Variants in RORA observed in about 807,000 individuals in gnomAD.
RORA encodes RAR related orphan receptor A, also known as nuclear receptor ROR-alpha.
Under a neutral mutation model 69.5 loss-of-function variants are expected in RORA, and 7 were observed. The ratio of observed to expected loss-of-function variants is 0.10; its 90% CI spans 0.06 to 0.19. The LOEUF is 0.19. Among genes scored for constraint, RORA ranks in the 10% least tolerant of loss-of-function variants. The pLI, the probability that RORA is intolerant of heterozygous loss-of-function variation, is 1.00. For synonymous variants in RORA, 261 were observed against 240.8 expected (o/e 1.08, Z -0.78); for missense variants, 457 against 663.0 (o/e 0.69, Z 3.41).
In RORA at chr15:60,692,039, A is replaced by C. The variant is rs111884107; in HGVS notation, c.167-13353T>G. On this transcript the variant is annotated intron_variant, in intron 1 of 10. Transcript: ENST00000335670. The stretch of plus-strand genomic sequence containing the variant: ...TCTGAGATTGAGAAAACTATTTTGG[A>C]AACAGTGATTTCAATATGCATAGTT... Among the ~76,000 whole-genome samples, 1,111 of 152,322 alleles carry C rather than the reference A, an allele frequency of 7.3e-3. 16 individuals are homozygous for C. The highest frequency in any genetic ancestry group is 0.025 in the African/African-American group (1,047 of 41,578).
chr15:60,552,363 T>G (rs1338672151), intron 2 of RORA, among the ~76,000 whole-genome samples: 1 of 152,142 alleles, frequency 6.6e-6, no homozygotes, highest in Non-Finnish European at 1.5e-5. Context: ...TCCCTCGCCC[T>G]CTCCCCGCAA....
chr15:61,030,929 ATG>A (rs760235310), intron 1 of RORA, among the ~76,000 whole-genome samples: 10 of 152,198 alleles, frequency 6.6e-5, no homozygotes, highest in Non-Finnish European at 1.5e-4. Flanking sequence ...GTATATGTAT[ATG>A]TGTGTATAAA....
At chr15:60,717,898 C>T (rs2071241293) in intron 1 of RORA, among the ~76,000 whole-genome samples, 1 of 139,962 alleles carries the variant, frequency 7.1e-6, no homozygotes, top group African/African-American at 2.7e-5. Context: ...CCTCAGGGTT[C>T]AAGCGATTGT....
At chr15:60,778,048 A>T (rs1282265349) in intron 1 of RORA, among the ~76,000 whole-genome samples, 1 of 152,168 alleles carries the variant, frequency 6.6e-6, no homozygotes, top group African/African-American at 2.4e-5. Context: ...TTAAAACTCA[A>T]GCTATAGCCT....
At chr15:60,802,865 T>G (rs978957593) in intron 1 of RORA, among the ~76,000 whole-genome samples, 3 of 152,102 alleles carry the variant, frequency 2.0e-5, no homozygotes, top group Non-Finnish European at 4.4e-5. Context: ...TTCCTGGAGG[T>G]TTCATTCTGG....
chr15:61,086,771 T>C (rs2078631639), intron 1 of RORA, among the ~76,000 whole-genome samples: 1 of 152,168 alleles, frequency 6.6e-6, no homozygotes, highest in Admixed American at 6.5e-5. Flanking sequence ...TATGGCCCAC[T>C]GCCTATTTTT....
intron 1 of RORA, among the ~76,000 whole-genome samples, chr15:61,219,302 T>C (rs2080071634): frequency 6.6e-6 from 1 of 152,202 alleles, no homozygotes; most frequent in Admixed American, 6.5e-5. Flanking sequence ...AGGCTGGGTG[T>C]GGTGGCTCAT....
intron 1 of RORA, among the ~76,000 whole-genome samples, chr15:60,951,308 A>C (rs1266413754): frequency 1.5e-5 from 2 of 130,714 alleles, no homozygotes; most frequent in African/African-American, 5.9e-5. Context: ...AGGGAAATTT[A>C]TAGCACTAAA....
chr15:60,895,155 G>A (rs931913964), intron 1 of RORA, among the ~76,000 whole-genome samples: 2 of 152,192 alleles, frequency 1.3e-5, no homozygotes, highest in Admixed American at 1.3e-4. Flanking sequence ...AGAATCTGCT[G>A]AGAAGGCCAC....
At chr15:60,778,690 C>A (rs2072209446) in intron 1 of RORA, among the ~76,000 whole-genome samples, 1 of 152,086 alleles carries the variant, frequency 6.6e-6, no homozygotes, top group Admixed American at 6.5e-5. Flanking sequence ...ATTCTCCCAC[C>A]CTTACCCCTT....
intron 1 of RORA, among the ~76,000 whole-genome samples, chr15:60,844,393 C>G (rs994598231): frequency 7.2e-5 from 11 of 152,134 alleles, no homozygotes; most frequent in African/African-American, 2.7e-4. Context: ...ATGGAAAAGC[C>G]AATGAAGGAG....
chr15:60,913,382 T>C (rs1357158477), intron 1 of RORA, among the ~76,000 whole-genome samples: 1 of 152,206 alleles, frequency 6.6e-6, no homozygotes, highest in African/African-American at 2.4e-5. Flanking sequence ...CCCAGCCTCC[T>C]ACAGCCACCT....
intron 1 of RORA, among the ~76,000 whole-genome samples, chr15:61,220,078 G>A (rs1596081502): frequency 6.6e-6 from 1 of 152,212 alleles, no homozygotes; most frequent in South Asian, 2.1e-4. Flanking sequence ...CTGCACACAT[G>A]TGCTCATCCA....
intron 1 of RORA, among the ~76,000 whole-genome samples, chr15:61,208,882 T>C (rs2079965322): frequency 6.6e-6 from 1 of 152,240 alleles, no homozygotes; most frequent in South Asian, 2.1e-4. Flanking sequence ...CACAAACAGA[T>C]GTGCCTGATT....
intron 1 of RORA, among the ~76,000 whole-genome samples, chr15:60,761,707 C>T (rs1201725302): frequency 6.6e-6 from 1 of 152,146 alleles, no homozygotes; most frequent in Admixed American, 6.5e-5. Context: ...TCCTGTCCTT[C>T]TCCCCTAACC....
intron 2 of RORA, among the ~76,000 whole-genome samples, chr15:60,624,620 A>G (rs2069523886): frequency 6.6e-6 from 1 of 151,110 alleles, no homozygotes; most frequent in Admixed American, 6.6e-5. Context: ...TTCATTGGAA[A>G]TGTATCTACA....
chr15:60,648,445 A>G (rs1039352994), intron 2 of RORA, among the ~76,000 whole-genome samples: 1 of 152,238 alleles, frequency 6.6e-6, no homozygotes, highest in Admixed American at 6.5e-5. Flanking sequence ...GAAATGCTGG[A>G]CATACTTTAT....
At chr15:60,853,928 A>C (rs1354697790) in intron 1 of RORA, among the ~76,000 whole-genome samples, 1 of 152,224 alleles carries the variant, frequency 6.6e-6, no homozygotes, top group Non-Finnish European at 1.5e-5. Flanking sequence ...GGTCCCAGTA[A>C]AGATTAAATG....
intron 1 of RORA, among the ~76,000 whole-genome samples, chr15:60,897,142 C>G (rs968887142): frequency 3.3e-5 from 5 of 152,034 alleles, no homozygotes; most frequent in Admixed American, 3.3e-4. Context: ...AACAGGACTG[C>G]AGAGTGGAGG....
Sources: allele counts gnomAD v4.1 joint callset (sites outside exome capture counted in the v4.1 genomes callset), GRCh38; gene constraint gnomAD v4.1.1; transcripts MANE v1.5; gene names NCBI Gene and HGNC (gene_info 2026-07-23, HGNC 2026-07-21).